DPP6: variants seen among roughly 807,000 people sequenced by gnomAD.
DPP6 encodes the protein dipeptidyl peptidase like 6.
In DPP6, 69 loss-of-function variants were observed where a neutral mutation model predicts 122.6. The observed-to-expected ratio is 0.56, with a 90% CI of 0.46 to 0.69. The LOEUF is 0.69. Among genes scored for constraint, DPP6 ranks in the 30% least tolerant of loss-of-function variants. The probability of loss-of-function intolerance (pLI) is 0.00; values close to 1 mark genes in which losing one functional copy is unlikely to be tolerated. For missense variants in DPP6, 928 were observed against 1,116.9 expected (o/e 0.83, Z 2.41); for synonymous variants, 418 against 433.1 (o/e 0.97, Z 0.43).
chr7:154,326,447 A>G (rs1158788423), intron 1 of DPP6, among the ~76,000 whole-genome samples: 5 of 152,224 alleles, frequency 3.3e-5, no homozygotes, highest in African/African-American at 4.8e-5. Context: ...AGATATAATG[A>G]TGATAAAATT....
At chr7:154,795,686 T>C (rs1587165112) in intron 11 of DPP6, among the ~76,000 whole-genome samples, 159 bp from the exon 12 acceptor site, 1 of 151,278 alleles carries the variant, frequency 6.6e-6, no homozygotes, top group South Asian at 2.1e-4. Flanking sequence ...GATTGCCTCC[T>C]CCCAGAGCTG....
chr7:154,841,078 C>T (rs530694305), intron 16 of DPP6, among the ~76,000 whole-genome samples: 28 of 152,280 alleles, frequency 1.8e-4, no homozygotes, highest in African/African-American at 5.5e-4. Context: ...TTGCTCGGAT[C>T]GAAAGTCATT....
At chr7:154,669,736 A>T (rs1294134568) in intron 7 of DPP6, among the ~76,000 whole-genome samples, 1 of 152,232 alleles carries the variant, frequency 6.6e-6, no homozygotes, top group African/African-American at 2.4e-5. Flanking sequence ...CAGATGAATC[A>T]TGAGCTCAAA....
intron 5 of DPP6, among the ~76,000 whole-genome samples, chr7:154,625,729 G>A (rs950116998): frequency 2.0e-5 from 3 of 152,192 alleles, no homozygotes; most frequent in Admixed American, 6.5e-5. Context: ...TGTGCAAGGC[G>A]CACGGTACAG....
intron 1 of DPP6, among the ~76,000 whole-genome samples, chr7:154,184,489 G>A (rs1401653780): frequency 6.6e-6 from 1 of 151,876 alleles, no homozygotes; most frequent in Non-Finnish European, 1.5e-5. Context: ...TGGGCATCAC[G>A]TTGCTTCCGA....
chr7:153,914,132 A>C lies in DPP6; in HGVS notation c.51+26398A>C, dbSNP rs1754915562. On this transcript the variant is annotated intron_variant, in intron 1 of 25. Transcript: ENST00000404039. ...TGAATCATGGGGGTGGGTCTTTCCC[A>C]TGCTGTTCTCGTCATACTGAATAAG... Among the ~76,000 whole-genome samples the C allele has an allele frequency of 3.3e-5, 5 of 152,168 alleles. No individual in the cohort carries two copies. The South Asian group carries it at 1.0e-3, about 32-fold the overall frequency.
chr7:154,803,809 A>T, intron 13 of DPP6, 55 bp from the exon 14 acceptor site: 1 of 1,581,090 alleles, frequency 6.3e-7, no homozygotes, highest in Non-Finnish European at 8.6e-7. Flanking sequence ...ATGAAGAGCC[A>T]TGCTGGGGCC....
At chr7:154,538,366 T>G (rs528197330) in intron 3 of DPP6, among the ~76,000 whole-genome samples, 1 of 152,234 alleles carries the variant, frequency 6.6e-6, no homozygotes, top group Non-Finnish European at 1.5e-5. Flanking sequence ...CTGCATGCAT[T>G]AGCTATTTAT....
intron 1 of DPP6, among the ~76,000 whole-genome samples, chr7:154,192,177 G>A (rs73485409): frequency 1.6e-4 from 25 of 152,242 alleles, no homozygotes; most frequent in African/African-American, 5.8e-4. Context: ...GATGAAACAA[G>A]GTCTCCGACT....
Position 154,223,387 on chromosome 7 carries a change from A to G in DPP6, c.243+170324A>G, listed in dbSNP as rs1435432545. Among the ~76,000 whole-genome samples the G allele has an allele frequency of 3.3e-5, 5 of 149,450 alleles. 1 individual carries two copies. The highest frequency in any genetic ancestry group is 1.3e-4 in the African/African-American group (5 of 39,252). ...CAGGGATTTGATGATGGGCAAATAT[A>G]GAACTAATGATACCCAGTCAGAGAG... On this transcript the variant is annotated intron_variant, in intron 1 of 25. Coordinates refer to ENST00000377770, the MANE Select transcript of DPP6 (RefSeq NM_130797.4).
At chr7:154,051,440 C>CG (rs1346993484), upstream of DPP6, among the ~76,000 whole-genome samples, 1 of 150,816 alleles carries the variant, frequency 6.6e-6, no homozygotes, top group Non-Finnish European at 1.5e-5. Flanking sequence ...GGGGAGGACG[C>CG]GGGAGGGCCG....
In DPP6 at chr7:154,584,784, C is replaced by G. The variant is rs114673244; in HGVS notation, c.627+17868C>G. On this transcript the variant is annotated intron_variant, in intron 5 of 25. Coordinates refer to ENST00000377770, the MANE Select transcript of DPP6 (RefSeq NM_130797.4). Reference sequence around the variant, plus strand: ...AAACCTGCTTTGCAGCCAGTCGCTACGATTACTCAGCTCAGAAAGCATGCA... The same window carrying G: ...AAACCTGCTTTGCAGCCAGTCGCTAGGATTACTCAGCTCAGAAAGCATGCA... Among the ~76,000 whole-genome samples, 3 of 152,186 alleles carry G rather than the reference C, an allele frequency of 2.0e-5. No homozygotes were observed. In the East Asian group the frequency reaches 5.8e-4, roughly 29 times the overall value.
At position 154,722,002 on chromosome 7, in the gene DPP6, C is replaced by CAAAA. The variant is rs34504657; in HGVS notation, c.763-5752_763-5749dup. 5.4e-3 allele frequency among the ~76,000 whole-genome samples: 689 copies of CAAAA among 128,602 alleles called. 8 individuals carry two copies. Among genetic ancestry groups the CAAAA allele is most frequent in the African/African-American group, 0.019 (654 of 34,690 alleles). 84.4% of individuals were successfully genotyped at this position (128,602 alleles called of 152,430 possible). A position where few individuals can be genotyped will look rare whatever the true frequency, so the allele number is the denominator to read the frequency against. On this transcript the variant is annotated intron_variant, in intron 7 of 25. Transcript: ENST00000377770. Reference sequence around the variant, plus strand: ...CAACATAGTGAGACCCCATCTCTACCAAAAAAAAAAAAAAAAGATACAGAT... The same window carrying CAAAA: ...CAACATAGTGAGACCCCATCTCTACCAAAAAAAAAAAAAAAAAAAAGATACAGAT...
At chr7:154,384,742 A>C (rs6464417) in intron 1 of DPP6, among the ~76,000 whole-genome samples, 2 of 75,850 alleles carry the variant, frequency 2.6e-5, no homozygotes, top group Non-Finnish European at 7.5e-5. Context: ...TCTTTCTTTT[A>C]TTTTTTTTTG....
the DPP6 span, among the ~76,000 whole-genome samples, chr7:153,870,274 A>T: frequency 2.0e-5 from 3 of 152,122 alleles, no homozygotes; most frequent in African/African-American, 7.2e-5. Context: ...TCTCCCTGTC[A>T]CTTTCAGGTA....
At chr7:154,239,345 CA>C (rs914612846) in intron 1 of DPP6, among the ~76,000 whole-genome samples, 2 of 152,264 alleles carry the variant, frequency 1.3e-5, no homozygotes, top group African/African-American at 4.8e-5. Flanking sequence ...GGAGCAGTTC[CA>C]CTTATATGTG....
At chr7:154,454,087 T>G (rs1820622225) in intron 2 of DPP6, among the ~76,000 whole-genome samples, 1 of 152,238 alleles carries the variant, frequency 6.6e-6, no homozygotes. Flanking sequence ...TTAAATTCAT[T>G]CCACAAATTC....
At chr7:154,803,276 TTCTGTTACCATTGGTCGTTACCATTG>T (rs2085039119) in intron 13 of DPP6, among the ~76,000 whole-genome samples, 2 of 152,212 alleles carry the variant, frequency 1.3e-5, no homozygotes, top group Admixed American at 1.3e-4. Context: ...TGTCTCTCTC[TTCTGTTACCATTGGTCGTTACCATTG>T]TCTGTTACCA....
At chr7:154,156,460 C>G (rs898412978) in intron 1 of DPP6, among the ~76,000 whole-genome samples, 5 of 152,162 alleles carry the variant, frequency 3.3e-5, no homozygotes, top group Non-Finnish European at 5.9e-5. Flanking sequence ...CAGGAATGAT[C>G]AATACTAGTG....
Sources: gnomAD v4.1 joint callset for allele counts (sites outside exome capture counted in the v4.1 genomes callset) on GRCh38, gnomAD v4.1.1 for gene constraint, MANE v1.5 for transcripts, NCBI Gene and HGNC (gene_info 2026-07-23, HGNC 2026-07-21) for gene names.